Variants in TBCE observed in about 807,000 individuals in gnomAD.
TBCE encodes the protein tubulin folding cofactor E.
TBCE carries 53 observed loss-of-function variants against 77.0 expected under a neutral mutation model. That is an observed-to-expected ratio of 0.69 (90% CI 0.55 to 0.87). The LOEUF is 0.87. TBCE is among the 40% of genes least tolerant of loss of function. The pLI is 0.00. For missense variants in TBCE, 624 were observed against 622.4 expected (o/e 1.00, Z -0.03); for synonymous variants, 235 against 241.3 (o/e 0.97, Z 0.24).
chr1:235,409,234 A>ATG (rs1045075689), intron 3 of TBCE, among the ~76,000 whole-genome samples: 1 of 152,136 alleles, frequency 6.6e-6, no homozygotes, highest in Non-Finnish European at 1.5e-5. Context: ...TACCAGCAGC[A>ATG]TGTGTAATTG....
intron 3 of TBCE, among the ~76,000 whole-genome samples, chr1:235,402,264 A>C (rs1679159353): frequency 6.6e-6 from 1 of 151,826 alleles, no homozygotes. Flanking sequence ...AGGTTTCACC[A>C]TATTGGCCAG....
intron 2 of TBCE, among the ~76,000 whole-genome samples, chr1:235,385,669 G>A (rs543497713): frequency 6.2e-4 from 95 of 152,100 alleles, no homozygotes; most frequent in African/African-American, 2.0e-3. Flanking sequence ...CCATTTGCTT[G>A]GTAGATCTTC....
rs1455426794 is a variant in TBCE at position 235,448,895 on chromosome 1, T to C, written c.*133T>C. 2.7e-6 allele frequency: 2 copies of C among 727,592 alleles called. No homozygotes were observed. Among genetic ancestry groups the C allele is most frequent in the Non-Finnish European group, 4.8e-6 (2 of 414,880 alleles). The allele number at this position is 727,592 out of a possible 1,614,324, so 45.1% of individuals were successfully genotyped here. ...AACTTGTCCTAAGTATAACAAGGGA[T>C]GTATTTTTTGTTGGGAAGTGACCAT... On this transcript the variant is annotated 3_prime_UTR_variant, in exon 17 of 17. Coordinates refer to ENST00000642610, the MANE Select transcript of TBCE (RefSeq NM_003193.5).
At chr1:235,445,019 G>T (rs936899829) in intron 15 of TBCE, among the ~76,000 whole-genome samples, 2 of 152,218 alleles carry the variant, frequency 1.3e-5, no homozygotes, top group Non-Finnish European at 2.9e-5. Flanking sequence ...CTGAGATTCA[G>T]TTAGCCATTT....
intron 1 of TBCE, among the ~76,000 whole-genome samples, chr1:235,378,395 A>AT (rs35416141): frequency 2.6e-5 from 4 of 151,374 alleles, no homozygotes; most frequent in East Asian, 2.0e-4. Context: ...TAATTTTTGT[A>AT]TTTTTTTTTG....
At chr1:235,389,809 A>G (rs1404940615) in intron 2 of TBCE, among the ~76,000 whole-genome samples, 1 of 152,156 alleles carries the variant, frequency 6.6e-6, no homozygotes, top group African/African-American at 2.4e-5. Context: ...GTTGTAAATA[A>G]ACATTTTAAA....
intron 2 of TBCE, among the ~76,000 whole-genome samples, chr1:235,381,677 T>A (rs1317432294): frequency 1.2e-5 from 1 of 82,440 alleles, no homozygotes; most frequent in East Asian, 4.2e-4. Context: ...AGAGCGAGAC[T>A]CCTTCTCCAA....
intron 3 of TBCE, among the ~76,000 whole-genome samples, chr1:235,411,636 C>T (rs1340784616): frequency 6.6e-6 from 1 of 152,130 alleles, no homozygotes; most frequent in East Asian, 1.9e-4. Context: ...ATAGGCAGAG[C>T]AGCCAGTAAA....
At chr1:235,438,960 T>C (rs1681644650) in intron 13 of TBCE, 38 bp downstream of exon 13, 3 of 1,613,912 alleles carry the variant, frequency 1.9e-6, no homozygotes, top group South Asian at 1.1e-5. Flanking sequence ...AGGTGGTGGA[T>C]TTCCAGCTGG....
intron 3 of TBCE, among the ~76,000 whole-genome samples, chr1:235,412,077 C>T (rs1421887891): frequency 9.8e-6 from 1 of 101,702 alleles, no homozygotes. Context: ...GCTTCCAGGA[C>T]ACCACACTCT....
intron 2 of TBCE, among the ~76,000 whole-genome samples, chr1:235,384,617 G>A (rs1229022221): frequency 1.3e-5 from 2 of 149,978 alleles, no homozygotes. Flanking sequence ...GGTGTTTGTA[G>A]TATTCTCTGA....
chr1:235,374,572 C>T (rs1462229185), intron 1 of TBCE, among the ~76,000 whole-genome samples: 1 of 145,734 alleles, frequency 6.9e-6, no homozygotes, highest in African/African-American at 2.7e-5. Context: ...GCAATCTGGG[C>T]TCACTGCAAC....
rs1005558944 is a variant in TBCE at position 235,435,644 on chromosome 1, C to T, written c.738-101C>T. On this transcript the variant is annotated intron_variant, in intron 8 of 16. Coordinates refer to ENST00000642610, the MANE Select transcript of TBCE (RefSeq NM_003193.5). ...ACAGTCATATTTACTTGCTTCTTAT[C>T]CCCAGCCCTCCATCGCACCAAATGC... 5.3e-6 allele frequency: 6 copies of T among 1,129,088 alleles called. No individual in the cohort carries two copies. The African/African-American group carries it at 7.7e-5, about 14-fold the overall frequency. The allele number at this position is 1,129,088 out of a possible 1,614,324, so 69.9% of individuals were successfully genotyped here.
chr1:235,397,677 G>A (rs1572358355), intron 2 of TBCE, among the ~76,000 whole-genome samples: 1 of 152,214 alleles, frequency 6.6e-6, no homozygotes, highest in African/African-American at 2.4e-5. Context: ...AATCAGGTTT[G>A]TGTGACAGCT....
intron 6 of TBCE, among the ~76,000 whole-genome samples, chr1:235,427,952 C>G (rs1680823098): frequency 6.6e-6 from 1 of 151,762 alleles, no homozygotes; most frequent in Non-Finnish European, 1.5e-5. Flanking sequence ...ATTGCTTGAA[C>G]CCGGGAGGCA....
At chr1:235,394,424 T>C (rs1678601996) in intron 2 of TBCE, among the ~76,000 whole-genome samples, 1 of 131,054 alleles carries the variant, frequency 7.6e-6, no homozygotes, top group African/African-American at 2.9e-5. Context: ...ATTTCTTTTT[T>C]TTTTTTTTTT....
intron 1 of TBCE, among the ~76,000 whole-genome samples, chr1:235,368,025 C>T (rs985924851): frequency 2.0e-5 from 3 of 152,176 alleles, no homozygotes; most frequent in Non-Finnish European, 4.4e-5. Flanking sequence ...GCTGCCTCAG[C>T]CTCCCGAGTA....
intron 1 of TBCE, among the ~76,000 whole-genome samples, chr1:235,369,233 G>A (rs1676745543): frequency 6.6e-6 from 1 of 152,204 alleles, no homozygotes; most frequent in South Asian, 2.1e-4. Flanking sequence ...AGTCGGCCGG[G>A]CGTGGTGGCT....
chr1:235,449,279 A>ATGCTT lies in TBCE; in HGVS notation c.*519_*523dup. Reference sequence around the variant, plus strand: ...TTCTAAGAGTACTTAAATTAATCACATGCTTTTCCCTACAATTATACCTAA... The same window carrying ATGCTT: ...TTCTAAGAGTACTTAAATTAATCACATGCTTTGCTTTTCCCTACAATTATACCTAA... On this transcript the variant is annotated 3_prime_UTR_variant, in exon 17 of 17. Coordinates refer to ENST00000642610, the MANE Select transcript of TBCE (RefSeq NM_003193.5). 6.0e-6 allele frequency: 1 copy of ATGCTT among 165,724 alleles called. No homozygotes were observed. The highest frequency in any genetic ancestry group is 1.3e-5 in the Non-Finnish European group (1 of 75,844). 10.3% of individuals were successfully genotyped at this position (165,724 alleles called of 1,614,324 possible).
Sources: gnomAD v4.1 joint callset for allele counts (sites outside exome capture counted in the v4.1 genomes callset) on GRCh38, gnomAD v4.1.1 for gene constraint, MANE v1.5 for transcripts, NCBI Gene and HGNC (gene_info 2026-07-23, HGNC 2026-07-21) for gene names.